The following DYNLRB1 variants were observed in gnomAD, a reference collection of about 807,000 sequenced individuals.
The protein encoded by DYNLRB1 is dynein light chain roadblock-type 1, also known as ROBL/LC7-like 1.
A neutral mutation model predicts 13.5 loss-of-function variants in DYNLRB1; 6 were observed. The ratio of observed to expected loss-of-function variants is 0.44; its 90% CI spans 0.24 to 0.88. The LOEUF is 0.88. Among genes scored for constraint, DYNLRB1 ranks in the 40% least tolerant of loss-of-function variants. The pLI is 0.21. For synonymous variants in DYNLRB1, 43 were observed against 45.0 expected (o/e 0.96, Z 0.18); for missense variants, 93 against 127.2 (o/e 0.73, Z 1.29).
At chr20:34,524,817 G>A (rs1443542702) in intron 1 of DYNLRB1, among the ~76,000 whole-genome samples, 3 of 151,656 alleles carry the variant, frequency 2.0e-5, no homozygotes, top group African/African-American at 4.9e-5. Context: ...TCCACCCCGC[G>A]GGTTCACGCC....
intron 3 of DYNLRB1, chr20:34,535,268 A>G (rs971354047): frequency 5.9e-5 from 58 of 985,278 alleles, no homozygotes; most frequent in Admixed American, 1.2e-4. Flanking sequence ...AAAGTACTGT[A>G]TCATTTTATC....
intron 2 of DYNLRB1, among the ~76,000 whole-genome samples, chr20:34,532,348 T>C (rs1332843789): frequency 2.6e-5 from 4 of 152,178 alleles, no homozygotes; most frequent in Admixed American, 1.3e-4. Context: ...CAAGGCTGCA[T>C]AGCTGTGAAG....
intron 3 of DYNLRB1, 37 bp downstream of exon 3, chr20:34,534,832 C>T: frequency 1.2e-6 from 2 of 1,613,634 alleles, no homozygotes; most frequent in Non-Finnish European, 1.7e-6. Flanking sequence ...AGGAACAGAC[C>T]TCATGGCACA....
intron 2 of DYNLRB1, chr20:34,526,661 T>A (rs187970455): frequency 8.7e-5 from 30 of 345,898 alleles, no homozygotes; most frequent in Non-Finnish European, 1.3e-4. Flanking sequence ...CCCTGACAGA[T>A]CACACTTCAG....
upstream of DYNLRB1, chr20:34,516,419 G>T: frequency 1.2e-6 from 2 of 1,611,960 alleles, no homozygotes; most frequent in Non-Finnish European, 8.5e-7. Context: ...CACAGGACTC[G>T]CTAAGTGTTC....
chr20:34,526,527 A>C, intron 2 of DYNLRB1, 184 bp downstream of exon 2: 2 of 554,448 alleles, frequency 3.6e-6, no homozygotes, highest in Non-Finnish European at 6.1e-6. Flanking sequence ...TAGTCAGGTG[A>C]AGCAGCGGGA....
At chr20:34,535,618 A>G (rs1981081194) in intron 3 of DYNLRB1, 1 of 981,832 alleles carries the variant, frequency 1.0e-6, no homozygotes, top group Non-Finnish European at 1.2e-6. Context: ...CTTTTTTCTC[A>G]CTCTGCTTTT....
chr20:34,526,846 T>C (rs1980263545), intron 2 of DYNLRB1, among the ~76,000 whole-genome samples: 1 of 152,260 alleles, frequency 6.6e-6, no homozygotes, highest in African/African-American at 2.4e-5. Flanking sequence ...TTCTACTTTT[T>C]AGTAAATCCA....
At chr20:34,537,402 A>G (rs987740478) in intron 3 of DYNLRB1, among the ~76,000 whole-genome samples, 16 of 152,164 alleles carry the variant, frequency 1.1e-4, no homozygotes, top group African/African-American at 3.6e-4. Flanking sequence ...AGGGGCTTGT[A>G]AGCACATAGT....
At chr20:34,529,155 T>C (rs1980500668) in intron 2 of DYNLRB1, among the ~76,000 whole-genome samples, 1 of 152,178 alleles carries the variant, frequency 6.6e-6, no homozygotes, top group South Asian at 2.1e-4. Flanking sequence ...TGTTTATGTG[T>C]TTCTTGGCTG....
intron 1 of DYNLRB1, among the ~76,000 whole-genome samples, chr20:34,524,071 C>A (rs1290653955): frequency 1.3e-5 from 2 of 151,928 alleles, no homozygotes; most frequent in Non-Finnish European, 1.5e-5. Flanking sequence ...GCCTTGTGGC[C>A]CCTGTATCAT....
intron 2 of DYNLRB1, chr20:34,533,611 G>T: frequency 1.5e-6 from 1 of 657,270 alleles, no homozygotes; most frequent in Non-Finnish European, 1.9e-6. Flanking sequence ...ATGAGGTCAG[G>T]AGTTCAAGAC....
chr20:34,535,048 C>T, intron 3 of DYNLRB1: 1 of 1,323,546 alleles, frequency 7.6e-7, no homozygotes, highest in Non-Finnish European at 9.7e-7. Flanking sequence ...ATGTGTGTCT[C>T]CCCTTCCTTG....
intron 1 of DYNLRB1, among the ~76,000 whole-genome samples, chr20:34,519,109 A>G (rs1979506267): frequency 6.6e-6 from 1 of 151,630 alleles, no homozygotes; most frequent in Non-Finnish European, 1.5e-5. Flanking sequence ...TTTAGTAGAG[A>G]CAGGGTTTCA....
rs571896526 is a variant in DYNLRB1 at position 34,534,011 on chromosome 20, C to T, written c.80-617C>T. Among the ~76,000 whole-genome samples the T allele has an allele frequency of 1.8e-4, 27 of 151,628 alleles. No homozygotes were observed. The East Asian group carries it at 2.3e-3, about 13-fold the overall frequency. On this transcript the variant is annotated intron_variant, in intron 2 of 3. Transcript: ENST00000357156. ...AATTAGCTAGCTGGGTGCTGTGGCACGCGCCTGTAATCCCAGATACTTGGG... is the reference window on the plus strand; with the variant it reads ...AATTAGCTAGCTGGGTGCTGTGGCATGCGCCTGTAATCCCAGATACTTGGG...
chr20:34,539,124 CACAA>C, intron 3 of DYNLRB1, among the ~76,000 whole-genome samples: 1 of 152,316 alleles, frequency 6.6e-6, no homozygotes, highest in Non-Finnish European at 1.5e-5. Context: ...TAAAAATAGG[CACAA>C]TCGGTAACAT....
chr20:34,519,325 A>G (rs1213031069), intron 1 of DYNLRB1, among the ~76,000 whole-genome samples: 2 of 152,140 alleles, frequency 1.3e-5, no homozygotes, highest in African/African-American at 4.8e-5. Context: ...GTTTCCTTCC[A>G]GATGTGTTTG....
intron 2 of DYNLRB1, among the ~76,000 whole-genome samples, chr20:34,529,005 A>G (rs1980487507): frequency 6.6e-6 from 1 of 151,982 alleles, no homozygotes; most frequent in Non-Finnish European, 1.5e-5. Context: ...AACAAAAAGT[A>G]ACAATGAAGT....
intron 2 of DYNLRB1, among the ~76,000 whole-genome samples, chr20:34,528,623 A>T (rs1980449043): frequency 6.6e-6 from 1 of 152,130 alleles, no homozygotes; most frequent in Non-Finnish European, 1.5e-5. Flanking sequence ...CAAAGGAAAA[A>T]ACCTGAAATT....
Sources: gnomAD v4.1 joint callset for allele counts (sites outside exome capture counted in the v4.1 genomes callset) on GRCh38, gnomAD v4.1.1 for gene constraint, MANE v1.5 for transcripts, NCBI Gene and HGNC (gene_info 2026-07-23, HGNC 2026-07-21) for gene names.